Variants in LRRC4C observed in about 807,000 individuals in gnomAD.
LRRC4C encodes the protein leucine-rich repeat-containing protein 4C.
In LRRC4C, 5 loss-of-function variants were observed where a neutral mutation model predicts 33.6. The observed-to-expected ratio is 0.15, with a 90% CI of 0.08 to 0.31. The LOEUF is 0.31. Ranked by LOEUF, LRRC4C falls within the 10% of genes least tolerant of loss-of-function variation. The pLI is 1.00. For missense variants in LRRC4C, 560 were observed against 796.7 expected, an observed-to-expected ratio of 0.70 and a Z score of 3.58; for synonymous variants, 329 against 302.0, an observed-to-expected ratio of 1.09 and a Z score of -0.93.
chr11:41,430,375 G>A (rs1174660166), intron 1 of LRRC4C, among the ~76,000 whole-genome samples: 1 of 152,078 alleles, frequency 6.6e-6, no homozygotes, highest in Non-Finnish European at 1.5e-5. Flanking sequence ...TACTGGGAAA[G>A]AAAATGAAGA....
chr11:40,760,309 T>G (rs889919273), intron 2 of LRRC4C, among the ~76,000 whole-genome samples: 2 of 151,958 alleles, frequency 1.3e-5, no homozygotes, highest in Non-Finnish European at 1.5e-5. Context: ...TTCTGTATTG[T>G]CTATCGCTGC....
intron 1 of LRRC4C, among the ~76,000 whole-genome samples, chr11:41,288,246 G>A (rs184255739): frequency 1.5e-4 from 23 of 152,258 alleles, no homozygotes; most frequent in Admixed American, 1.3e-3. Context: ...TTGACAGTAC[G>A]TAATCTCCAT....
intron 1 of LRRC4C, among the ~76,000 whole-genome samples, chr11:41,097,083 T>A (rs1422662788): frequency 6.6e-6 from 1 of 152,170 alleles, no homozygotes; most frequent in Non-Finnish European, 1.5e-5. Flanking sequence ...GGGCAGGTTC[T>A]CATGTAGACA....
chr11:41,248,761 A>G (rs1948535191), intron 1 of LRRC4C, among the ~76,000 whole-genome samples: 1 of 152,184 alleles, frequency 6.6e-6, no homozygotes, highest in African/African-American at 2.4e-5. Flanking sequence ...TAATTTGATA[A>G]CTGTAATTGA....
intron 3 of LRRC4C, among the ~76,000 whole-genome samples, chr11:40,631,499 A>G (rs1193263685): frequency 6.6e-6 from 1 of 152,076 alleles, no homozygotes; most frequent in African/African-American, 2.4e-5. Context: ...AGGAAAGGCA[A>G]TTGCTTTAAC....
At chr11:40,813,264 G>A (rs1951568197) in intron 2 of LRRC4C, among the ~76,000 whole-genome samples, 1 of 152,184 alleles carries the variant, frequency 6.6e-6, no homozygotes, top group African/African-American at 2.4e-5. Flanking sequence ...ATAAAGGAAA[G>A]AGGTTTAATT....
intron 1 of LRRC4C, among the ~76,000 whole-genome samples, chr11:41,119,175 T>C (rs1308396700): frequency 6.6e-6 from 1 of 152,178 alleles, no homozygotes; most frequent in Non-Finnish European, 1.5e-5. Context: ...TCAGCTAACA[T>C]TTTCCAAACA....
At chr11:40,126,835 CT>C (rs1856269662) in intron 6 of LRRC4C, among the ~76,000 whole-genome samples, 2 of 151,984 alleles carry the variant, frequency 1.3e-5, no homozygotes, top group African/African-American at 4.8e-5. Context: ...TGATGCATCC[CT>C]GTAATCCCAG....
intron 5 of LRRC4C, among the ~76,000 whole-genome samples, chr11:40,157,003 G>T (rs1451114843): frequency 6.6e-6 from 1 of 152,144 alleles, no homozygotes; most frequent in Non-Finnish European, 1.5e-5. Flanking sequence ...CACACTACCT[G>T]ATTTCAAACT....
At chr11:40,899,167 G>A (rs1592031499) in intron 2 of LRRC4C, among the ~76,000 whole-genome samples, 1 of 151,542 alleles carries the variant, frequency 6.6e-6, no homozygotes, top group Non-Finnish European at 1.5e-5. Flanking sequence ...ATTTATAAAT[G>A]CCTGAGCTGG....
At chr11:40,899,426 G>T (rs1376280733) in intron 2 of LRRC4C, among the ~76,000 whole-genome samples, 30 of 152,132 alleles carry the variant, frequency 2.0e-4, no homozygotes, top group Non-Finnish European at 1.5e-5. Context: ...GGATTTCCCA[G>T]CATGAATACC....
intron 1 of LRRC4C, among the ~76,000 whole-genome samples, chr11:41,453,111 A>G (rs965107470): frequency 3.9e-5 from 6 of 152,154 alleles, no homozygotes; most frequent in Non-Finnish European, 7.4e-5. Flanking sequence ...ATATTGGGAC[A>G]TGCTACCCAT....
At chr11:41,062,865 T>C (rs948578927) in intron 1 of LRRC4C, among the ~76,000 whole-genome samples, 1 of 151,564 alleles carries the variant, frequency 6.6e-6, no homozygotes, top group Non-Finnish European at 1.5e-5. Context: ...GAAGACAGAG[T>C]CAGAGATTGG....
At chr11:40,395,947 A>C (rs192407111) in intron 3 of LRRC4C, among the ~76,000 whole-genome samples, 4 of 152,228 alleles carry the variant, frequency 2.6e-5, no homozygotes, top group Admixed American at 2.6e-4. Flanking sequence ...AGATCACACC[A>C]CTGCACTCCA....
intron 1 of LRRC4C, among the ~76,000 whole-genome samples, chr11:41,291,895 A>C (rs1244703895): frequency 6.6e-6 from 1 of 152,206 alleles, no homozygotes; most frequent in Non-Finnish European, 1.5e-5. Context: ...TTCTTCATAT[A>C]AAATCATTTA....
chr11:40,774,484 A>G (rs1173466337), intron 2 of LRRC4C, among the ~76,000 whole-genome samples: 2 of 152,176 alleles, frequency 1.3e-5, no homozygotes, highest in African/African-American at 4.8e-5. Context: ...TGTTAGGATA[A>G]TATACAGATG....
intron 6 of LRRC4C, among the ~76,000 whole-genome samples, chr11:40,134,861 T>A (rs1051883022): frequency 2.0e-5 from 3 of 152,194 alleles, no homozygotes; most frequent in African/African-American, 7.2e-5. Flanking sequence ...CCACTGAATA[T>A]CTCAGACCCA....
rs564917460 is a variant in LRRC4C, at chr11:41,339,644, C to A, written c.-496+119787G>T. Among the ~76,000 whole-genome samples the A allele has an allele frequency of 6.2e-4, 94 of 152,102 alleles. 1 individual carries two copies. The highest frequency in any genetic ancestry group is 2.2e-3 in the African/African-American group (92 of 41,446). ...TCTTAAAATGCTACCATGACTCAAACGCATTTAAAAAAATTACATCCAATT... is the reference window on the plus strand; with the variant it reads ...TCTTAAAATGCTACCATGACTCAAAAGCATTTAAAAAAATTACATCCAATT... On this transcript the variant is annotated intron_variant, in intron 1 of 6. Coordinates refer to ENST00000528697, the MANE Select transcript of LRRC4C (RefSeq NM_001258419.2).
At chr11:41,430,611 C>T (rs899660664) in intron 1 of LRRC4C, among the ~76,000 whole-genome samples, 15 of 152,124 alleles carry the variant, frequency 9.9e-5, no homozygotes, top group African/African-American at 3.6e-4. Flanking sequence ...CCCCTCTACT[C>T]ATGTGGACTC....
Sources: allele counts gnomAD v4.1 joint callset (sites outside exome capture counted in the v4.1 genomes callset), GRCh38; gene constraint gnomAD v4.1.1; transcripts MANE v1.5; gene names NCBI Gene and HGNC (gene_info 2026-07-23, HGNC 2026-07-21).